The following CYP17A1 variants were observed in gnomAD, a reference collection of about 807,000 sequenced individuals.
CYP17A1 encodes steroid 17-alpha-hydroxylase/17,20 lyase.
In CYP17A1, 27 loss-of-function variants were observed where a neutral mutation model predicts 38.5. The observed-to-expected ratio is 0.70, with a 90% confidence interval of 0.52 to 0.97. The LOEUF (loss-of-function observed/expected upper bound fraction) is 0.97. CYP17A1 is among the 50% of genes least tolerant of loss of function. The pLI is 0.00. For synonymous variants in CYP17A1, 263 were observed against 253.3 expected (o/e 1.04, Z -0.36); for missense variants, 549 against 645.9 (o/e 0.85, Z 1.63).
chr10:102,831,059 G>T lies in CYP17A1; in HGVS notation c.1244-74C>A. ...GAGGCATGGTTCTGCCCTGGTTGAGGGGGAGACATGGCCCTGCCCAGGGAA... is the reference window on the plus strand; with the variant it reads ...GAGGCATGGTTCTGCCCTGGTTGAGTGGGAGACATGGCCCTGCCCAGGGAA... On this transcript the variant is annotated intron_variant, in intron 7 of 7. Coordinates refer to ENST00000369887, the MANE Select transcript of CYP17A1 (RefSeq NM_000102.4). 8 of 1,032,984 alleles carry T rather than the reference G, an allele frequency of 7.7e-6. 1 individual carries two copies. The South Asian group carries it at 9.6e-5, about 12-fold the overall frequency. 64.0% of individuals were successfully genotyped at this position (1,032,984 alleles called of 1,614,324 possible).
chr10:102,835,484 G>C, intron 1 of CYP17A1, 92 bp from the exon 2 acceptor site: 1 of 1,112,258 alleles, frequency 9.0e-7, no homozygotes, highest in South Asian at 1.2e-5. Context: ...TCCTGGAGGA[G>C]AAGGCAGGTA....
chr10:102,836,709 C>T (rs1163178379), intron 1 of CYP17A1: 1 of 311,836 alleles, frequency 3.2e-6, no homozygotes, highest in Non-Finnish European at 6.1e-6. Context: ...ATAAGGGGCA[C>T]TTACTGTGCT....
rs45603339 is a variant in CYP17A1 at position 102,831,454 on chromosome 10, G to A, written c.1243+54C>T. On this transcript the variant is annotated intron_variant, in intron 7 of 7. Transcript: ENST00000369887. ...GAGGTGAAGGGGTACTGGGGTGGTG[G>A]AGCAGAGTCCAGGCTCGCTGTGTGG... The A allele has an allele frequency of 4.8e-4, 777 of 1,606,900 alleles. 8 individuals are homozygous for A. In the East Asian group the frequency reaches 0.017, roughly 35 times the overall value.
At chr10:102,831,822 C>A (rs1844094052) in intron 6 of CYP17A1, 2 of 838,284 alleles carry the variant, frequency 2.4e-6, no homozygotes, top group African/African-American at 1.7e-5. Context: ...TGTCTGAACA[C>A]CTGTGTCTGT....
chr10:102,835,092 G>T, intron 2 of CYP17A1, 78 bp from the exon 3 acceptor site: 1 of 1,130,952 alleles, frequency 8.8e-7, no homozygotes, highest in Non-Finnish European at 1.3e-6. Flanking sequence ...CCTCTTAACA[G>T]GAGCGGGGGA....
Position 102,833,139 on chromosome 10 carries a change from T to A in CYP17A1, c.823A>T (p.Asn275Tyr). 6.2e-7 allele frequency: 1 copy of A among 1,614,184 alleles called. No homozygotes were observed. Among genetic ancestry groups the A allele is most frequent in the Non-Finnish European group, 8.5e-7 (1 of 1,180,030 alleles). ...TCTTGATCTGGGCCAGCATTGCCAT[T>A]ATCTGAGTTCATCTTGGCTTGCATC... is the stretch of plus-strand genomic sequence containing the variant. ...TLMQAKMNSD[N>Y]GNAGPDQDSE... The change falls in exon 5 of 8, where the codon AAT (asparagine) becomes TAT (tyrosine). Residue 275 changes from asparagine to tyrosine, a missense_variant. By Grantham distance (143) the Asn-to-Tyr change is moderately radical. Around this residue, in one of 3 missense-constraint regions of CYP17A1, gnomAD observed 257 missense variants for 307.9 expected, o/e 0.83. Transcript: ENST00000369887.
chr10:102,834,010 A>G (rs756884534), intron 4 of CYP17A1, 26 bp downstream of exon 4: 2 of 921,366 alleles, frequency 2.2e-6, no homozygotes, highest in Non-Finnish European at 3.7e-6. Context: ...AGCCTAACTC[A>G]TATTCTCTTC....
chr10:102,834,974 G>C lies in CYP17A1; in HGVS notation c.477C>G (p.Thr159=). The C allele has an allele frequency of 1.2e-6, 2 of 1,610,404 alleles. No homozygotes were observed. Among genetic ancestry groups the C allele is most frequent in the Non-Finnish European group, 1.7e-6 (2 of 1,177,966 alleles). The change falls in exon 3 of 8, where the codon ACC becomes ACG. Residue 159 remains threonine (T), a synonymous_variant. Transcript: ENST00000369887. ...AGATGTCTATGGACTGTCCGTTGTGGGTGGCCAGCATATCACACAATGTAC... is the reference window on the plus strand; with the variant it reads ...AGATGTCTATGGACTGTCCGTTGTGCGTGGCCAGCATATCACACAATGTAC... ...EISTLCDMLA[T]HNGQSIDISF...
chr10:102,835,479 G>A, intron 1 of CYP17A1, 87 bp from the exon 2 acceptor site: 1 of 1,179,000 alleles, frequency 8.5e-7, no homozygotes, highest in Non-Finnish European at 1.3e-6. Flanking sequence ...TTCCTTCCTG[G>A]AGGAGAAGGC....
chr10:102,832,425 G>A, intron 6 of CYP17A1, 86 bp downstream of exon 6: 1 of 901,276 alleles, frequency 1.1e-6, no homozygotes, highest in Non-Finnish European at 1.9e-6. Context: ...TGGCCAGCAG[G>A]GGCCGGGGGT....
intron 5 of CYP17A1, 128 bp downstream of exon 5, chr10:102,832,865 T>G (rs1237615280): frequency 1.9e-5 from 29 of 1,527,036 alleles, no homozygotes; most frequent in Non-Finnish European, 2.5e-5. Flanking sequence ...AGCCAACTAC[T>G]GCTTGGGTAA....
intron 3 of CYP17A1, chr10:102,834,549 A>G: frequency 1.6e-6 from 1 of 612,112 alleles, no homozygotes; most frequent in Non-Finnish European, 2.9e-6. Context: ...GGCACATGGT[A>G]ATTGGAAAAG....
At chr10:102,833,321 G>A in intron 4 of CYP17A1, 113 bp from the exon 5 acceptor site, 2 of 1,581,832 alleles carry the variant, frequency 1.3e-6, no homozygotes, top group Non-Finnish European at 1.7e-6. Flanking sequence ...CTTGGAAGTA[G>A]AGCAAGTCTG....
At chr10:102,836,241 G>A (rs949981329) in intron 1 of CYP17A1, among the ~76,000 whole-genome samples, 2 of 152,050 alleles carry the variant, frequency 1.3e-5, no homozygotes, top group African/African-American at 4.8e-5. Context: ...GGAGGATCAC[G>A]AGGTCAGGAG....
chr10:102,835,236 G>A lies in CYP17A1; in HGVS notation c.436+18C>T. On this transcript the variant is annotated intron_variant, in intron 2 of 7. Transcript: ENST00000369887. ...TGTGGGATCCAGCCCCAGCCCCAGG[G>A]GCCAGCCTGGCACTCACTGATCTTC... The A allele has an allele frequency of 6.2e-7, 1 of 1,608,860 alleles. No homozygotes were observed. The highest frequency in any genetic ancestry group is 8.5e-7 in the Non-Finnish European group (1 of 1,175,594).
rs1202527074 is a variant in CYP17A1, at chr10:102,831,505, C to T, written c.1243+3G>A. On this transcript the variant is annotated splice_donor_region_variant and intron_variant, in intron 7 of 7. Transcript: ENST00000369887. Reference sequence around the variant, plus strand: ...CCCAGGGCGCAGGACAGGACAGACTCACCAGGCATGAACTGATCCGGCTGG... The same window carrying T: ...CCCAGGGCGCAGGACAGGACAGACTTACCAGGCATGAACTGATCCGGCTGG... 3.7e-6 allele frequency: 6 copies of T among 1,613,872 alleles called. No homozygotes were observed. Among genetic ancestry groups the T allele is most frequent in the East Asian group, 2.2e-5 (1 of 44,872 alleles).
intron 1 of CYP17A1, among the ~76,000 whole-genome samples, chr10:102,836,455 CAAAAAA>C (rs71019622): frequency 4.8e-5 from 3 of 62,584 alleles, no homozygotes; most frequent in Admixed American, 1.8e-4. Flanking sequence ...GACTCTGTCT[CAAAAAA>C]AAAAAAAAAA....
intron 6 of CYP17A1, 133 bp from the exon 7 acceptor site, chr10:102,831,744 C>G: frequency 6.7e-7 from 1 of 1,492,774 alleles, no homozygotes; most frequent in Non-Finnish European, 9.0e-7. Flanking sequence ...CTCATGTTTT[C>G]CTCAGCTTCT....
chr10:102,837,114 T>C lies in CYP17A1; in HGVS notation c.248A>G (p.Lys83Arg), dbSNP rs776580666. 1.8e-5 allele frequency: 29 copies of C among 1,608,436 alleles called. No homozygotes were observed. Among genetic ancestry groups the C allele is most frequent in the Non-Finnish European group, 2.5e-5 (29 of 1,174,860 alleles). Residue 83 changes from lysine (K) to arginine (R), a missense_variant, in exon 1 of 8, where the codon AAG becomes AGG. Physicochemically the swap from Lys to Arg is conservative, Grantham distance 26. Coordinates refer to ENST00000369887, the MANE Select transcript of CYP17A1 (RefSeq NM_000102.4). ...CTTGCCCTTCTTAATAAGCACCTCCTTGGCCAGCTGGTGGTGGCCGACAAT... is the reference window on the plus strand; with the variant it reads ...CTTGCCCTTCTTAATAAGCACCTCCCTGGCCAGCTGGTGGTGGCCGACAAT... ...TVIVGHHQLA[K>R]EVLIKKGKDF...
Sources: gnomAD v4.1 joint callset for allele counts (sites outside exome capture counted in the v4.1 genomes callset) on GRCh38, gnomAD v4.1.1 for gene constraint, gnomAD v4.1.1 regional missense constraint, MANE v1.5 for transcripts, NCBI Gene and HGNC (gene_info 2026-07-23, HGNC 2026-07-21) for gene names.